The following IL16 variants were observed in gnomAD, a reference collection of about 807,000 sequenced individuals.
The protein encoded by IL16 is interleukin 16.
A neutral mutation model predicts 110.1 loss-of-function variants in IL16; 67 were observed. The observed-to-expected ratio is 0.61, with a 90% CI of 0.50 to 0.75. The LOEUF is 0.75. Ranked by LOEUF, IL16 falls within the 30% of genes least tolerant of loss-of-function variation. The pLI is 0.00. For synonymous variants in IL16, 689 were observed against 662.9 expected, an observed-to-expected ratio of 1.04 and a Z score of -0.61; for missense variants, 1,545 against 1,655.0, an observed-to-expected ratio of 0.93 and a Z score of 1.15.
chr15:81,210,101 A>G (rs957923457), intron 1 of IL16, among the ~76,000 whole-genome samples: 1 of 152,226 alleles, frequency 6.6e-6, no homozygotes, highest in Non-Finnish European at 1.5e-5. Flanking sequence ...CAGTTTATCC[A>G]GAAACATTTA....
At chr15:81,245,924 T>G (rs1897530313) in intron 2 of IL16, among the ~76,000 whole-genome samples, 1 of 151,940 alleles carries the variant, frequency 6.6e-6, no homozygotes, top group Non-Finnish European at 1.5e-5. Context: ...TATCTAGAGT[T>G]TTTAGTTGTA....
At chr15:81,265,165 C>T (rs1286566968) in intron 3 of IL16, among the ~76,000 whole-genome samples, 1 of 152,200 alleles carries the variant, frequency 6.6e-6, no homozygotes, top group African/African-American at 2.4e-5. Context: ...AGAGTTGTCT[C>T]CGTGTGTGTG....
At chr15:81,239,280 A>G (rs945425681) in intron 2 of IL16, among the ~76,000 whole-genome samples, 1 of 152,168 alleles carries the variant, frequency 6.6e-6, no homozygotes, top group South Asian at 2.1e-4. Flanking sequence ...TAGGATTAGC[A>G]TGTAGTTCTG....
chr15:81,286,132 G>A lies in IL16; in HGVS notation c.1332+302G>A, dbSNP rs776759345. Among the ~76,000 whole-genome samples, 11 of 152,274 alleles carry A rather than the reference G, an allele frequency of 7.2e-5. No homozygotes were observed. The South Asian group carries it at 1.0e-3, about 14-fold the overall frequency. ...GACCAAGAAATTTATTCATTTATGCGTCTAGTAGGTACCCACTGTGGGAAT... is the reference window on the plus strand; with the variant it reads ...GACCAAGAAATTTATTCATTTATGCATCTAGTAGGTACCCACTGTGGGAAT... On this transcript the variant is annotated intron_variant, in intron 10 of 18. Transcript: ENST00000683961.
At chr15:81,267,479 G>C (rs200512317) in intron 4 of IL16, among the ~76,000 whole-genome samples, 4 of 107,708 alleles carry the variant, frequency 3.7e-5, no homozygotes, top group South Asian at 2.3e-4. Context: ...CACATACACA[G>C]ACACACACAC....
chr15:81,205,792 T>C (rs1404337936), intron 1 of IL16, among the ~76,000 whole-genome samples: 1 of 152,068 alleles, frequency 6.6e-6, no homozygotes, highest in Non-Finnish European at 1.5e-5. Flanking sequence ...TAAAACTTAA[T>C]CACATAAAGT....
intron 3 of IL16, 85 bp downstream of exon 3, chr15:81,259,965 C>A: frequency 1.2e-6 from 1 of 855,560 alleles, no homozygotes; most frequent in Non-Finnish European, 2.0e-6. Context: ...CGGCTCTCTT[C>A]TGGTCCAGTT....
intron 8 of IL16, 43 bp downstream of exon 8, chr15:81,279,817 A>C (rs1426876931): frequency 2.0e-6 from 3 of 1,535,598 alleles, no homozygotes; most frequent in East Asian, 2.3e-5. Context: ...GTCTCCCAGC[A>C]CTGGCTGAGT....
Position 81,308,716 on chromosome 15 carries a change from C to T in IL16, c.3917C>T (p.Ala1306Val), listed in dbSNP as rs1052667340. The change falls in exon 19 of 19, where the codon GCA (alanine) becomes GTA (valine). Residue 1306 changes from alanine to valine, a missense_variant. Transcript: ENST00000683961. ...TRFEAWNIIK[A>V]LPDGPVTIVI... is the part of the protein sequence containing the mutation. The stretch of plus-strand genomic sequence containing the variant: ...TTTGAAGCCTGGAACATCATCAAGG[C>T]ACTGCCTGATGGACCTGTCACGATT... The T allele has an allele frequency of 1.2e-6, 2 of 1,613,822 alleles. No individual in the cohort carries two copies. Among genetic ancestry groups the T allele is most frequent in the Non-Finnish European group, 1.7e-6 (2 of 1,179,786 alleles).
At position 81,310,063 on chromosome 15, in the gene IL16, C is replaced by G. The variant is rs758073677; in HGVS notation, c.*1265C>G. 1 of 152,264 alleles carries G rather than the reference C, an allele frequency of 6.6e-6. No homozygotes were observed. The highest frequency in any genetic ancestry group is 2.4e-5 in the African/African-American group (1 of 41,472). The allele number at this position is 152,264 out of a possible 1,614,324, so 9.4% of individuals were successfully genotyped here. A position where few individuals can be genotyped will look rare whatever the true frequency, so the allele number is the denominator to read the frequency against. ...TCTCTGGATGCCTGATTGCCAAGCT[C>G]AGGACCAGGCAATGTGACTTTGCAT... On this transcript the variant is annotated 3_prime_UTR_variant, in exon 19 of 19. Coordinates refer to ENST00000683961, the MANE Select transcript of IL16 (RefSeq NM_172217.5).
intron 2 of IL16, among the ~76,000 whole-genome samples, chr15:81,227,058 G>A (rs116327907): frequency 6.6e-4 from 100 of 152,208 alleles, no homozygotes; most frequent in African/African-American, 2.3e-3. Flanking sequence ...ACTCACTTAA[G>A]ATAGAGTGAA....
chr15:81,301,831 C>T (rs952906141), intron 15 of IL16, among the ~76,000 whole-genome samples: 1 of 152,206 alleles, frequency 6.6e-6, no homozygotes, highest in African/African-American at 2.4e-5. Flanking sequence ...GTGCTGTTTC[C>T]ACATTCCATG....
chr15:81,226,784 G>A (rs1595967540), intron 2 of IL16, among the ~76,000 whole-genome samples: 1 of 152,128 alleles, frequency 6.6e-6, no homozygotes, highest in African/African-American at 2.4e-5. Context: ...TCAGCCCAGT[G>A]GGTTTGGGGG....
At chr15:81,228,705 G>A (rs1171908672) in intron 2 of IL16, among the ~76,000 whole-genome samples, 1 of 152,072 alleles carries the variant, frequency 6.6e-6, no homozygotes, top group African/African-American at 2.4e-5. Flanking sequence ...AGTAGAATAT[G>A]TTAATGATGC....
intron 1 of IL16, among the ~76,000 whole-genome samples, chr15:81,210,927 C>T (rs1896217120): frequency 6.6e-6 from 1 of 152,132 alleles, no homozygotes; most frequent in Non-Finnish European, 1.5e-5. Context: ...TTCCAATCCT[C>T]AAGGGGAATG....
At chr15:81,202,001 G>C (rs12439162) in intron 1 of IL16, among the ~76,000 whole-genome samples, 21,041 of 152,142 alleles carry the variant, frequency 0.14, 1,920 homozygotes, top group East Asian at 0.38. Context: ...GGGTTACTAA[G>C]TGAACTATTA....
rs34522610 is a variant in IL16 at position 81,303,015 on chromosome 15, ATGTGTGTGTG to A, written c.3319-514_3319-505del. Among the ~76,000 whole-genome samples, 3 of 150,038 alleles carry A rather than the reference ATGTGTGTGTG, an allele frequency of 2.0e-5. No homozygotes were observed. Among genetic ancestry groups the A allele is most frequent in the Non-Finnish European group, 3.0e-5 (2 of 67,522 alleles). On this transcript the variant is annotated intron_variant, in intron 15 of 18. Transcript: ENST00000683961. This position sits in a 1 kb window ranked among gnomAD's most constrained non-coding sequence, Gnocchi z 4.1. The stretch of plus-strand genomic sequence containing the variant: ...GTCTAGGCTAGGAAGTACCGTAGTA[ATGTGTGTGTG>A]TGTGTGTGTGTGTGTGTGTCACACT...
At chr15:81,217,235 G>A (rs1464018057) in intron 1 of IL16, among the ~76,000 whole-genome samples, 3 of 152,176 alleles carry the variant, frequency 2.0e-5, no homozygotes, top group South Asian at 2.1e-4. Context: ...GGTCAGGAGA[G>A]CATATGCACA....
At chr15:81,243,178 T>A (rs1307277610) in intron 2 of IL16, among the ~76,000 whole-genome samples, 4 of 81,356 alleles carry the variant, frequency 4.9e-5, no homozygotes, top group African/African-American at 1.7e-4. Flanking sequence ...TTTTTTTTTT[T>A]TTTTTTTTTT....
Sources: allele counts gnomAD v4.1 joint callset (sites outside exome capture counted in the v4.1 genomes callset), GRCh38; gene constraint gnomAD v4.1.1; non-coding constraint Gnocchi (gnomAD v3.1); transcripts MANE v1.5; gene names NCBI Gene and HGNC (gene_info 2026-07-23, HGNC 2026-07-21).